The following KCNJ8 variants were observed in gnomAD, a reference collection of about 807,000 sequenced individuals.
KCNJ8 encodes ATP-sensitive inward rectifier potassium channel 8.
A neutral mutation model predicts 28.2 loss-of-function variants in KCNJ8; 13 were observed. The observed-to-expected ratio is 0.46, with a 90% CI of 0.30 to 0.73. The LOEUF is 0.73. Ranked by LOEUF, KCNJ8 falls within the 30% of genes least tolerant of loss-of-function variation. KCNJ8 has a pLI of 0.07. For missense variants in KCNJ8, 284 were observed against 542.6 expected, an observed-to-expected ratio of 0.52 and a Z score of 4.73; for synonymous variants, 188 against 195.9, an observed-to-expected ratio of 0.96 and a Z score of 0.34.
rs555347388 is a variant in KCNJ8, at chr12:21,773,730, A to T, written c.-70-44T>A. The T allele has an allele frequency of 1.8e-5, 26 of 1,415,440 alleles. No homozygotes were observed. The South Asian group carries it at 2.7e-4, about 15-fold the overall frequency. 87.7% of individuals were successfully genotyped at this position (1,415,440 alleles called of 1,614,324 possible). ...TATTAAAAACTTAAAAACCCACCCT[A>T]TCCTCACCTCTTGGGTCCTTGTATT... On this transcript the variant is annotated intron_variant, in intron 1 of 2. Coordinates refer to ENST00000240662, the MANE Select transcript of KCNJ8 (RefSeq NM_004982.4). The surrounding 1 kb of genome is among the most constrained non-coding windows in gnomAD (Gnocchi z 4.6).
chr12:21,767,213 A>G (rs1405325514), intron 2 of KCNJ8, among the ~76,000 whole-genome samples: 1 of 152,160 alleles, frequency 6.6e-6, no homozygotes, highest in Non-Finnish European at 1.5e-5. Flanking sequence ...ACATTATTCC[A>G]AACAACTAGT....
chr12:21,768,091 T>G (rs1940675663), intron 2 of KCNJ8, among the ~76,000 whole-genome samples: 2 of 152,098 alleles, frequency 1.3e-5, no homozygotes, highest in African/African-American at 2.4e-5. Flanking sequence ...CTGTTCCACC[T>G]CAGATCATCA....
rs565862240 is a variant in KCNJ8 at position 21,773,951 on chromosome 12, C to A, written c.-70-265G>T. Reference sequence around the variant, plus strand: ...AGCCTTAGTTAAACAAAACCAGGAGCCTTCCGGTAAACAGCAGGCTCAAAG... The same window carrying A: ...AGCCTTAGTTAAACAAAACCAGGAGACTTCCGGTAAACAGCAGGCTCAAAG... On this transcript the variant is annotated intron_variant, in intron 1 of 2. Coordinates refer to ENST00000240662, the MANE Select transcript of KCNJ8 (RefSeq NM_004982.4). This position sits in a 1 kb window ranked among gnomAD's most constrained non-coding sequence, Gnocchi z 4.6. Among the ~76,000 whole-genome samples the A allele has an allele frequency of 1.3e-5, 2 of 152,200 alleles. No individual in the cohort carries two copies.
rs1940818314 is a variant in KCNJ8, at chr12:21,773,748, C to T, written c.-70-62G>A. The T allele has an allele frequency of 7.9e-7, 1 of 1,261,800 alleles. No homozygotes were observed. The highest frequency in any genetic ancestry group is 1.1e-6 in the Non-Finnish European group (1 of 883,798). 78.2% of individuals were successfully genotyped at this position (1,261,800 alleles called of 1,614,324 possible). On this transcript the variant is annotated intron_variant, in intron 1 of 2. Coordinates refer to ENST00000240662, the MANE Select transcript of KCNJ8 (RefSeq NM_004982.4). The surrounding 1 kb of genome is among the most constrained non-coding windows in gnomAD (Gnocchi z 4.6). ...CCACCCTATCCTCACCTCTTGGGTC[C>T]TTGTATTCAAGGATATGTCTGTACA...
intron 2 of KCNJ8, among the ~76,000 whole-genome samples, chr12:21,767,370 G>C (rs1940656477): frequency 7.5e-6 from 1 of 133,266 alleles, no homozygotes. Context: ...TCAGGAACTA[G>C]GCCACACAGC....
Position 21,765,484 on chromosome 12 carries a change from A to G in KCNJ8, c.*239T>C. 1 of 555,898 alleles carries G rather than the reference A, an allele frequency of 1.8e-6. No homozygotes were observed. The highest frequency in any genetic ancestry group is 2.0e-5 in the South Asian group (1 of 49,242). The allele number at this position is 555,898 out of a possible 1,614,324, so 34.4% of individuals were successfully genotyped here. On this transcript the variant is annotated 3_prime_UTR_variant, in exon 3 of 3. Transcript: ENST00000240662. Reference sequence around the variant, plus strand: ...GAAACGAGCATACCCACCCCTGCACATAACTTAAGTATATCACTGCGAATT... The same window carrying G: ...GAAACGAGCATACCCACCCCTGCACGTAACTTAAGTATATCACTGCGAATT...
In KCNJ8 at chr12:21,765,706, T is replaced by C; in HGVS notation, c.*17A>G. 1 of 1,612,118 alleles carries C rather than the reference T, an allele frequency of 6.2e-7. No individual in the cohort carries two copies. The highest frequency in any genetic ancestry group is 8.5e-7 in the Non-Finnish European group (1 of 1,178,166). ...CGTCAAAACTTGATAAAAGACTGTC[T>C]TGGGGTTATCTTGCTGTCATGATTC... is the stretch of plus-strand genomic sequence containing the variant. On this transcript the variant is annotated 3_prime_UTR_variant, in exon 3 of 3. Coordinates refer to ENST00000240662, the MANE Select transcript of KCNJ8 (RefSeq NM_004982.4).
In KCNJ8 at chr12:21,765,281, C is replaced by T. The variant is rs1004686169; in HGVS notation, c.*442G>A. On this transcript the variant is annotated 3_prime_UTR_variant, in exon 3 of 3. Coordinates refer to ENST00000240662, the MANE Select transcript of KCNJ8 (RefSeq NM_004982.4). ...GACAGGAGAAGGCTGATGTACAAAA[C>T]GCATTAACATGATTTTGTTTTTTCC... 9 of 257,788 alleles carry T rather than the reference C, an allele frequency of 3.5e-5. 1 individual carries two copies. The highest frequency in any genetic ancestry group is 2.3e-4 in the South Asian group (5 of 21,966). The allele number at this position is 257,788 out of a possible 1,614,324, so 16.0% of individuals were successfully genotyped here. A position where few individuals can be genotyped will look rare whatever the true frequency, so the allele number is the denominator to read the frequency against.
chr12:21,773,207 G>C lies in KCNJ8; in HGVS notation c.374+36C>G. 1 of 1,608,330 alleles carries C rather than the reference G, an allele frequency of 6.2e-7. No homozygotes were observed. Among genetic ancestry groups the C allele is most frequent in the Non-Finnish European group, 8.5e-7 (1 of 1,178,386 alleles). On this transcript the variant is annotated intron_variant, in intron 2 of 2. Transcript: ENST00000240662. The surrounding 1 kb of genome is among the most constrained non-coding windows in gnomAD (Gnocchi z 4.6). ...GGCATTTTGACATTTTTTCTCTACT[G>C]TTTTCAACCCCTGCCTCATCCCACT...
intron 2 of KCNJ8, among the ~76,000 whole-genome samples, chr12:21,770,304 T>C (rs973762070): frequency 2.0e-5 from 3 of 152,142 alleles, no homozygotes; most frequent in African/African-American, 7.2e-5. Context: ...AATTGAGATA[T>C]GTATATTTTT....
At chr12:21,771,748 A>C (rs1359914665) in intron 2 of KCNJ8, among the ~76,000 whole-genome samples, 1 of 152,098 alleles carries the variant, frequency 6.6e-6, no homozygotes. Context: ...TTTAGATTAA[A>C]ACTTTATTTT....
intron 2 of KCNJ8, among the ~76,000 whole-genome samples, chr12:21,767,824 T>G (rs781244035): frequency 3.3e-5 from 5 of 152,232 alleles, no homozygotes; most frequent in East Asian, 1.9e-4. Context: ...GCAACCTTCA[T>G]CCAGCCAGTC....
Position 21,773,050 on chromosome 12 carries a change from C to G in KCNJ8, c.374+193G>C, listed in dbSNP as rs1940797587. Reference sequence around the variant, plus strand: ...GAAGCTCAGGTTTTCAGAGACTCTTCTCCATAAAGCTGCATTTAAAAAATA... The same window carrying G: ...GAAGCTCAGGTTTTCAGAGACTCTTGTCCATAAAGCTGCATTTAAAAAATA... On this transcript the variant is annotated intron_variant, in intron 2 of 2. Transcript: ENST00000240662. The surrounding 1 kb of genome is among the most constrained non-coding windows in gnomAD (Gnocchi z 4.6). 6.6e-6 allele frequency among the ~76,000 whole-genome samples: 1 copy of G among 152,190 alleles called. No homozygotes were observed. The highest frequency in any genetic ancestry group is 6.5e-5 in the Admixed American group (1 of 15,284).
intron 2 of KCNJ8, among the ~76,000 whole-genome samples, chr12:21,770,042 G>A (rs1416433087): frequency 6.6e-6 from 1 of 152,164 alleles, no homozygotes; most frequent in Non-Finnish European, 1.5e-5. Context: ...GTTCTACTGT[G>A]GGTAAAATGC....
At chr12:21,768,236 TCC>T (rs546158919) in intron 2 of KCNJ8, among the ~76,000 whole-genome samples, 13 of 152,058 alleles carry the variant, frequency 8.5e-5, no homozygotes, top group Non-Finnish European at 1.9e-4. Context: ...TAATGTTTGC[TCC>T]CCCACTGCTC....
chr12:21,766,720 A>G lies in KCNJ8; in HGVS notation c.375-97T>C, dbSNP rs974677814. The G allele has an allele frequency of 2.9e-6, 3 of 1,025,276 alleles. No homozygotes were observed. The highest frequency in any genetic ancestry group is 3.2e-5 in the African/African-American group (2 of 63,300). The allele number at this position is 1,025,276 out of a possible 1,614,324, so 63.5% of individuals were successfully genotyped here. A position where few individuals can be genotyped will look rare whatever the true frequency, so the allele number is the denominator to read the frequency against. ...TTTTCATTTTCTTCCACCAAAGACTATTAAATGCTTGCAGAAAGACTAGCC... is the reference window on the plus strand; with the variant it reads ...TTTTCATTTTCTTCCACCAAAGACTGTTAAATGCTTGCAGAAAGACTAGCC... On this transcript the variant is annotated intron_variant, in intron 2 of 2. Transcript: ENST00000240662. The surrounding 1 kb of genome is among the most constrained non-coding windows in gnomAD (Gnocchi z 6.5).
At chr12:21,774,466 G>T (rs902085128) in intron 1 of KCNJ8, 80 bp downstream of exon 1, 6 of 151,946 alleles carry the variant, frequency 3.9e-5, no homozygotes, top group Non-Finnish European at 8.8e-5. Flanking sequence ...AAGCCTCTGC[G>T]GTGTTTTGCA....
intron 2 of KCNJ8, among the ~76,000 whole-genome samples, chr12:21,768,356 AG>A (rs1330017673): frequency 5.9e-5 from 9 of 152,208 alleles, no homozygotes; most frequent in Non-Finnish European, 1.3e-4. Flanking sequence ...TGCCCATATA[AG>A]ATGGCAAACA....
At position 21,765,987 on chromosome 12, in the gene KCNJ8, C is replaced by T. The variant is rs1940608306; in HGVS notation, c.1011G>A (p.Val337=). The T allele has an allele frequency of 6.2e-7, 1 of 1,614,200 alleles. No homozygotes were observed. Among genetic ancestry groups the T allele is most frequent in the Non-Finnish European group, 8.5e-7 (1 of 1,180,034 alleles). The change falls in exon 3 of 3, where the codon GTG becomes GTA. Residue 337 remains valine (V), a synonymous_variant. Transcript: ENST00000240662. ...CAGTGTTGCCAAATTTGGAGTAATC[C>T]ACAGAATACACTCCTTCTTCCTCAG... ...IVTEEEGVYS[V]DYSKFGNTVK...
Sources: allele counts gnomAD v4.1 joint callset (sites outside exome capture counted in the v4.1 genomes callset), GRCh38; gene constraint gnomAD v4.1.1; non-coding constraint Gnocchi (gnomAD v3.1); transcripts MANE v1.5; gene names NCBI Gene and HGNC (gene_info 2026-07-23, HGNC 2026-07-21).